LCT: variants seen among roughly 807,000 people sequenced by gnomAD.
The protein encoded by LCT is lactase/phlorizin hydrolase.
A neutral mutation model predicts 173.0 loss-of-function variants in LCT; 90 were observed. That is an observed-to-expected ratio of 0.52 (90% CI 0.44 to 0.62). The LOEUF (loss-of-function observed/expected upper bound fraction) is 0.62, where lower values mean the gene tolerates loss of function less well. Ranked by LOEUF, LCT falls within the 20% of genes least tolerant of loss-of-function variation. The pLI is 0.00. For synonymous variants in LCT, 853 were observed against 957.6 expected (o/e 0.89, Z 2.02); for missense variants, 1,864 against 2,431.4 (o/e 0.77, Z 4.91).
chr2:135,807,009 C>G (rs2077681205), intron 9 of LCT, 119 bp downstream of exon 9: 7 of 1,168,378 alleles, frequency 6.0e-6, no homozygotes, highest in Non-Finnish European at 7.6e-6. Flanking sequence ...CCCATGCTGC[C>G]CCTCCATGGG....
rs111646552 is a variant in LCT at position 135,788,200 on chromosome 2, G to A, written c.*124C>T. ...ATTCAAGATTAAAGTCATCTCTAAC[G>A]GTGCAGCAGGACTTTATGGAGAAGT... On this transcript the variant is annotated 3_prime_UTR_variant, in exon 17 of 17. Coordinates refer to ENST00000264162, the MANE Select transcript of LCT (RefSeq NM_002299.4). The A allele has an allele frequency of 1.1e-5, 8 of 748,822 alleles. 1 individual carries two copies. Among genetic ancestry groups the A allele is most frequent in the Middle Eastern group, 3.8e-4 (1 of 2,662 alleles). The allele number at this position is 748,822 out of a possible 1,614,324, so 46.4% of individuals were successfully genotyped here. A position where few individuals can be genotyped will look rare whatever the true frequency, so the allele number is the denominator to read the frequency against.
rs777075865 is a variant in LCT at position 135,829,595 on chromosome 2, G to T, written c.802C>A (p.Gln268Lys). The change falls in exon 3 of 17, where the codon CAG becomes AAG. Residue 268 changes from glutamine (Q) to lysine (K), a missense_variant and splice_region_variant. By Grantham distance (53) the Gln-to-Lys change is moderately conservative. This residue lies in a region of LCT where 412 missense variants were observed against 462.0 expected (regional missense o/e 0.89). Coordinates refer to ENST00000264162, the MANE Select transcript of LCT (RefSeq NM_002299.4). ...ATGTGGAAAAGGGCTCAAATTACCT[G>T]CAATTTACTCAGCTTCTGCCGCAGA... ...ASLRQKLSKL[Q>K]TIEPKVKVFI... 1.9e-5 allele frequency: 30 copies of T among 1,610,512 alleles called. 1 individual carries two copies. In the South Asian group the frequency reaches 3.2e-4, roughly 17 times the overall value.
At chr2:135,797,809 C>G (rs903654553) in intron 13 of LCT, among the ~76,000 whole-genome samples, 1 of 152,154 alleles carries the variant, frequency 6.6e-6, no homozygotes, top group Admixed American at 6.5e-5. Context: ...AGGTGGATAG[C>G]CTTGGAACAG....
Position 135,789,785 on chromosome 2 carries a change from C to T in LCT, c.5349G>A (p.Lys1783=). The change falls in exon 16 of 17, where the codon AAG becomes AAA. Residue 1783 remains lysine, a synonymous_variant. Transcript: ENST00000264162. The stretch of plus-strand genomic sequence containing the variant: ...AAACTGTGTATCCTCGAAGGTCCAC[C>T]TTGTCCTGCACAGCTGCTCAAACAC... ...INEALKAVQD[K]VDLRGYTVWS... 1.2e-6 allele frequency: 2 copies of T among 1,614,000 alleles called. No individual in the cohort carries two copies. The highest frequency in any genetic ancestry group is 2.2e-5 in the East Asian group (1 of 44,890).
At chr2:135,817,246 A>C in intron 6 of LCT, 95 bp downstream of exon 6, 3 of 1,419,900 alleles carry the variant, frequency 2.1e-6, no homozygotes, top group Non-Finnish European at 9.5e-7. Flanking sequence ...ACAAAAAGTA[A>C]AGGCTTGCTG....
intron 3 of LCT, among the ~76,000 whole-genome samples, chr2:135,826,579 G>T (rs1381371093): frequency 1.3e-5 from 2 of 151,724 alleles, no homozygotes; most frequent in African/African-American, 4.8e-5. Flanking sequence ...AAAAAAAAAT[G>T]TTGTGATGGA....
chr2:135,823,118 T>C (rs2077850448), intron 4 of LCT: 1 of 152,994 alleles, frequency 6.5e-6, no homozygotes, highest in African/African-American at 2.4e-5. Flanking sequence ...TATTCTATTA[T>C]AGCAACACAA....
chr2:135,814,013 CTTACTTGTTGGCAAGAAGTGGGTAA>C (rs1482204666), intron 6 of LCT, among the ~76,000 whole-genome samples: 1 of 152,200 alleles, frequency 6.6e-6, no homozygotes, highest in African/African-American at 2.4e-5. Context: ...TCAACTTCAG[CTTACTTGTTGGCAAGAAGTGGGTAA>C]TTATGGATCC....
intron 14 of LCT, among the ~76,000 whole-genome samples, chr2:135,791,948 T>C (rs2077535842): frequency 6.6e-6 from 1 of 152,222 alleles, no homozygotes; most frequent in Non-Finnish European, 1.5e-5. Context: ...ACTCACATTG[T>C]TAACTGTTGC....
chr2:135,828,020 C>A (rs981471288), intron 3 of LCT, among the ~76,000 whole-genome samples: 2 of 151,872 alleles, frequency 1.3e-5, no homozygotes, highest in African/African-American at 4.8e-5. Flanking sequence ...CTGAGCTTGG[C>A]CTTTTATTTT....
At chr2:135,788,601 T>G (rs752325254) in intron 16 of LCT, 57 bp from the exon 17 acceptor site, 6 of 1,092,246 alleles carry the variant, frequency 5.5e-6, no homozygotes, top group Non-Finnish European at 8.5e-6. Context: ...AGTTCTCAGA[T>G]CTCTGAGACC....
Position 135,808,923 on chromosome 2 carries a change from C to G in LCT, c.3424G>C (p.Ala1142Pro). ...KSPGVPRDVE[A>P]ADRMLQFSLG... ...GAGAACTGCAGCATTCGGTCAGCGG[C>G]TTCCACATCTCTGGGGACCCCTGGT... Residue 1142 changes from alanine to proline, a missense_variant, in exon 8 of 17, where the codon GCC becomes CCC. This residue lies in a region of LCT where 755 missense variants were observed against 926.3 expected (regional missense o/e 0.82). Transcript: ENST00000264162. 1 of 1,614,226 alleles carries G rather than the reference C, an allele frequency of 6.2e-7. No individual in the cohort carries two copies. The highest frequency in any genetic ancestry group is 8.5e-7 in the Non-Finnish European group (1 of 1,180,034).
chr2:135,809,172 A>T lies in LCT; in HGVS notation c.3175T>A (p.Phe1059Ile). The T allele has an allele frequency of 6.2e-7, 1 of 1,614,184 alleles. No individual in the cohort carries two copies. The highest frequency in any genetic ancestry group is 8.5e-7 in the Non-Finnish European group (1 of 1,180,036). ...ATGGGCTCATTAAAAGTCATCCAAA[A>T]CTTGACTCTATCACCAAAGGTCTGG... ...CFQTFGDRVK[F>I]WMTFNEPMYL... Residue 1059 changes from phenylalanine to isoleucine, a missense_variant, in exon 8 of 17, where the codon TTT becomes ATT. Coordinates refer to ENST00000264162, the MANE Select transcript of LCT (RefSeq NM_002299.4). The surrounding 1 kb of genome is among the most constrained non-coding windows in gnomAD (Gnocchi z 5.5).
chr2:135,803,495 C>T (rs1044987330), intron 11 of LCT, among the ~76,000 whole-genome samples: 5 of 152,200 alleles, frequency 3.3e-5, no homozygotes, highest in East Asian at 1.9e-4. Context: ...TTGCTCAGTG[C>T]GATAAAGACC....
intron 3 of LCT, among the ~76,000 whole-genome samples, chr2:135,829,071 A>G (rs1197240890): frequency 6.6e-6 from 1 of 152,042 alleles, no homozygotes; most frequent in Non-Finnish European, 1.5e-5. Context: ...TGTTCCTGTC[A>G]TCTCAGCTAC....
chr2:135,792,348 A>G (rs1200820937), intron 14 of LCT, among the ~76,000 whole-genome samples: 1 of 152,236 alleles, frequency 6.6e-6, no homozygotes, highest in Admixed American at 6.5e-5. Context: ...GGAAGCTTCT[A>G]GCTCAACTTA....
At chr2:135,799,921 A>G (rs2077611962) in intron 12 of LCT, among the ~76,000 whole-genome samples, 1 of 152,236 alleles carries the variant, frequency 6.6e-6, no homozygotes, top group African/African-American at 2.4e-5. Context: ...GGTGACACCT[A>G]AAGGTGACGT....
Position 135,804,200 on chromosome 2 carries a change from C to T in LCT, c.4465-72G>A, listed in dbSNP as rs1346761929. 9 of 1,164,800 alleles carry T rather than the reference C, an allele frequency of 7.7e-6. No homozygotes were observed. The African/African-American group carries it at 1.4e-4, about 17-fold the overall frequency. 72.2% of individuals were successfully genotyped at this position (1,164,800 alleles called of 1,614,324 possible). A position where few individuals can be genotyped will look rare whatever the true frequency, so the allele number is the denominator to read the frequency against. On this transcript the variant is annotated intron_variant, in intron 10 of 16. Transcript: ENST00000264162. ...GGAAGCCCTAGGTTAGATGTGCCAG[C>T]ATCAACGTCTGCTGCAAATCCTGAG...
At chr2:135,828,479 C>A (rs946367773) in intron 3 of LCT, among the ~76,000 whole-genome samples, 1 of 152,158 alleles carries the variant, frequency 6.6e-6, no homozygotes, top group African/African-American at 2.4e-5. Flanking sequence ...TGTGCCCAAA[C>A]CTGAAGAGGC....
Sources: gnomAD v4.1 joint callset for allele counts (sites outside exome capture counted in the v4.1 genomes callset) on GRCh38, gnomAD v4.1.1 for gene constraint, gnomAD v4.1.1 regional missense constraint, Gnocchi (gnomAD v3.1) non-coding constraint, MANE v1.5 for transcripts, NCBI Gene and HGNC (gene_info 2026-07-23, HGNC 2026-07-21) for gene names.